Variants in CELF2 observed in about 807,000 individuals in gnomAD.
CELF2 encodes CUG triplet repeat RNA-binding protein 2.
CELF2 carries 8 observed loss-of-function variants against 62.6 expected under a neutral mutation model. The ratio of observed to expected loss-of-function variants is 0.13; its 90% confidence interval spans 0.07 to 0.23. The LOEUF is 0.23. Among genes scored for constraint, CELF2 ranks in the 10% least tolerant of loss-of-function variants. The pLI is 1.00. For synonymous variants in CELF2, 258 were observed against 250.0 expected, an observed-to-expected ratio of 1.03 and a Z score of -0.30; for missense variants, 333 against 671.0, an observed-to-expected ratio of 0.50 and a Z score of 5.56.
the CELF2 span, among the ~76,000 whole-genome samples, chr10:10,637,075 A>G: frequency 0.29 from 43,720 of 152,020 alleles, 7,089 homozygotes; most frequent in Non-Finnish European, 0.37. Flanking sequence ...TCATGGTTAC[A>G]CAGCTCTTAG....
At chr10:10,996,651 T>G (rs2053982123) in intron 2 of CELF2, among the ~76,000 whole-genome samples, 1 of 152,216 alleles carries the variant, frequency 6.6e-6, no homozygotes, top group African/African-American at 2.4e-5. Flanking sequence ...TTACTCCAAC[T>G]AGGTTTCAAC....
the CELF2 span, among the ~76,000 whole-genome samples, chr10:10,741,090 C>G: frequency 6.6e-6 from 1 of 151,804 alleles, no homozygotes; most frequent in East Asian, 1.9e-4. Context: ...GCTCTTACCA[C>G]TAAAAAAAAG....
Position 11,255,814 on chromosome 10 carries a change from C to T in CELF2, c.404-1924C>T, listed in dbSNP as rs2078571328. Among the ~76,000 whole-genome samples, 1 of 152,166 alleles carries T rather than the reference C, an allele frequency of 6.6e-6. No homozygotes were observed. The highest frequency in any genetic ancestry group is 1.9e-4 in the East Asian group (1 of 5,184). ...TGACAAAACAGAGGTCCTCAGAGGTCAGCCTATTCTCCAAAGACACATATC... is the reference window on the plus strand; with the variant it reads ...TGACAAAACAGAGGTCCTCAGAGGTTAGCCTATTCTCCAAAGACACATATC... On this transcript the variant is annotated intron_variant, in intron 4 of 12. Coordinates refer to ENST00000633077, the MANE Select transcript of CELF2 (RefSeq NM_001326342.2). The surrounding 1 kb of genome is among the most constrained non-coding windows in gnomAD (Gnocchi z 5.5).
the CELF2 span, among the ~76,000 whole-genome samples, chr10:10,523,301 T>C: frequency 6.6e-6 from 1 of 152,260 alleles, no homozygotes; most frequent in Non-Finnish European, 1.5e-5. Flanking sequence ...ACTATACCTA[T>C]ATCTTTCAAT....
chr10:10,975,215 T>A (rs2051189599), intron 2 of CELF2, among the ~76,000 whole-genome samples: 1 of 152,132 alleles, frequency 6.6e-6, no homozygotes, highest in Non-Finnish European at 1.5e-5. Context: ...CCTCCCAGAT[T>A]CAAGCAGTCC....
the CELF2 span, among the ~76,000 whole-genome samples, chr10:10,567,587 C>A: frequency 6.6e-6 from 1 of 152,096 alleles, no homozygotes; most frequent in East Asian, 1.9e-4. Flanking sequence ...CGGAGTCAAC[C>A]TGAGATGAGG....
rs895789377 is a variant in CELF2, at chr10:11,280,609, C to T, written c.841+5489C>T. 2.0e-5 allele frequency among the ~76,000 whole-genome samples: 3 copies of T among 152,174 alleles called. No individual in the cohort carries two copies. Among genetic ancestry groups the T allele is most frequent in the South Asian group, 2.1e-4 (1 of 4,830 alleles). On this transcript the variant is annotated intron_variant, in intron 8 of 12. Coordinates refer to ENST00000633077, the MANE Select transcript of CELF2 (RefSeq NM_001326342.2). This position sits in a 1 kb window ranked among gnomAD's most constrained non-coding sequence, Gnocchi z 7.6. ...GACAGTCCCCACGCTCTTCTCGCCC[C>T]GGGTTATTACTGTGGTGTGACAGAG...
In CELF2 at chr10:11,190,775, T is replaced by TAAAAAA. The variant is rs11301213; in HGVS notation, c.271+25116_271+25121dup. Among the ~76,000 whole-genome samples the TAAAAAA allele has an allele frequency of 8.0e-3, 432 of 53,974 alleles. 12 individuals carry two copies. The highest frequency in any genetic ancestry group is 0.016 in the Middle Eastern group (1 of 62). The allele number at this position is 53,974 out of a possible 152,430, so 35.4% of individuals were successfully genotyped here. A position where few individuals can be genotyped will look rare whatever the true frequency, so the allele number is the denominator to read the frequency against. ...GGCTGGGTTTTGTATCTCTTTTCTT[T>TAAAAAA]AAAAAAAAAAAAAAAAAAAAAAAAA... On this transcript the variant is annotated intron_variant, in intron 2 of 12. Transcript: ENST00000633077.
chr10:11,105,063 G>A (rs1374719322), intron 1 of CELF2, among the ~76,000 whole-genome samples: 2 of 152,222 alleles, frequency 1.3e-5, no homozygotes, highest in African/African-American at 4.8e-5. Context: ...GTGATTTCCT[G>A]ATGAGCAAAA....
the CELF2 span, among the ~76,000 whole-genome samples, chr10:10,697,159 A>G: frequency 2.0e-5 from 3 of 152,006 alleles, no homozygotes; most frequent in African/African-American, 7.3e-5. Context: ...CAAGCATCTG[A>G]CCTGAGTTTG....
chr10:10,762,035 C>T, the CELF2 span, among the ~76,000 whole-genome samples: 1 of 150,784 alleles, frequency 6.6e-6, no homozygotes, highest in Admixed American at 6.6e-5. Context: ...TTAATGATAA[C>T]ATGAATTTGA....
intron 1 of CELF2, among the ~76,000 whole-genome samples, chr10:11,150,316 G>A (rs1262185193): frequency 6.6e-6 from 1 of 152,152 alleles, no homozygotes; most frequent in Non-Finnish European, 1.5e-5. Context: ...GCCCCTCCCA[G>A]CATAGCAAGT....
In CELF2 at chr10:11,058,576, C is replaced by T. The variant is rs2065933223; in HGVS notation, c.74+40413C>T. On this transcript the variant is annotated intron_variant, in intron 1 of 12. Coordinates refer to ENST00000633077, the MANE Select transcript of CELF2 (RefSeq NM_001326342.2). ...CCACCTCCCAGGTTCAAGCGATTCT[C>T]CTGTCTCAGCCTCCCGAGTAGCTGG... Among the ~76,000 whole-genome samples the T allele has an allele frequency of 3.4e-5, 5 of 148,820 alleles. 1 individual carries two copies. The East Asian group carries it at 1.0e-3, about 31-fold the overall frequency.
intron 1 of CELF2, among the ~76,000 whole-genome samples, chr10:11,068,589 C>G (rs2068794538): frequency 2.0e-5 from 3 of 150,550 alleles, no homozygotes; most frequent in Admixed American, 6.6e-5. Context: ...GAGACGGAGT[C>G]TTGCTCTGTC....
At chr10:11,017,857 C>A (rs1275898720), upstream of CELF2, 3 of 730,616 alleles carry the variant, frequency 4.1e-6, no homozygotes, top group South Asian at 6.1e-5. This position sits in a 1 kb window ranked among gnomAD's most constrained non-coding sequence, Gnocchi z 5.5. Flanking sequence ...CGGCGGCGGG[C>A]GCCCCGCGAG....
chr10:10,697,734 C>T, the CELF2 span, among the ~76,000 whole-genome samples: 2 of 152,154 alleles, frequency 1.3e-5, no homozygotes, highest in Non-Finnish European at 2.9e-5. Flanking sequence ...CTCATGACCT[C>T]ATCACCTCCC....
the CELF2 span, among the ~76,000 whole-genome samples, chr10:10,531,430 T>G: frequency 6.6e-6 from 1 of 152,294 alleles, no homozygotes; most frequent in South Asian, 2.1e-4. Flanking sequence ...TAACCAATGA[T>G]TTTATTAAAT....
chr10:10,729,879 A>T, the CELF2 span, among the ~76,000 whole-genome samples: 1 of 152,202 alleles, frequency 6.6e-6, no homozygotes, highest in Non-Finnish European at 1.5e-5. Context: ...TCTTACAGTG[A>T]AACCTGTGTA....
chr10:11,249,630 T>C (rs2076569533), intron 4 of CELF2, among the ~76,000 whole-genome samples: 1 of 152,230 alleles, frequency 6.6e-6, no homozygotes, highest in South Asian at 2.1e-4. Context: ...TTTTTACCTT[T>C]TGCATGTGTT....
Sources: allele counts gnomAD v4.1 joint callset (sites outside exome capture counted in the v4.1 genomes callset), GRCh38; gene constraint gnomAD v4.1.1; non-coding constraint Gnocchi (gnomAD v3.1); transcripts MANE v1.5; gene names NCBI Gene and HGNC (gene_info 2026-07-23, HGNC 2026-07-21).